The following NUBPL variants were observed in gnomAD, a reference collection of about 807,000 sequenced individuals.
NUBPL encodes the protein NUBP iron-sulfur cluster assembly factor, mitochondrial.
NUBPL carries 31 observed loss-of-function variants against 45.7 expected under a neutral mutation model. The ratio of observed to expected loss-of-function variants is 0.68; its 90% CI spans 0.51 to 0.92. The LOEUF (loss-of-function observed/expected upper bound fraction) is 0.92. Ranked by LOEUF, NUBPL falls within the 40% of genes least tolerant of loss-of-function variation. The pLI is 0.00. For synonymous variants in NUBPL, 144 were observed against 140.9 expected, an observed-to-expected ratio of 1.02 and a Z score of -0.15; for missense variants, 401 against 398.7, an observed-to-expected ratio of 1.01 and a Z score of -0.05.
At chr14:31,626,995 G>C (rs191470715) in intron 4 of NUBPL, among the ~76,000 whole-genome samples, 39 of 152,200 alleles carry the variant, frequency 2.6e-4, no homozygotes, top group Admixed American at 1.0e-3. Flanking sequence ...CAGGCTTACC[G>C]TAGACCCATG....
chr14:31,669,475 CTTTTA>C (rs934447312), intron 4 of NUBPL, among the ~76,000 whole-genome samples: 11 of 146,766 alleles, frequency 7.5e-5, no homozygotes, highest in Middle Eastern at 3.6e-3. Flanking sequence ...TTTTTTTAAA[CTTTTA>C]TTTTATGTTT....
At chr14:31,826,417 G>A (rs1303866258) in intron 7 of NUBPL, among the ~76,000 whole-genome samples, 2 of 152,112 alleles carry the variant, frequency 1.3e-5, no homozygotes, top group East Asian at 1.9e-4. Context: ...CACCGTGCCC[G>A]GCCCAGTTGT....
At chr14:31,694,005 G>A (rs887704233) in intron 6 of NUBPL, among the ~76,000 whole-genome samples, 2 of 151,842 alleles carry the variant, frequency 1.3e-5, no homozygotes, top group South Asian at 2.1e-4. Context: ...ACAGGCACCC[G>A]CCACCATGCC....
intron 4 of NUBPL, among the ~76,000 whole-genome samples, chr14:31,604,175 G>A (rs1285322209): frequency 4.4e-5 from 4 of 90,836 alleles, no homozygotes; most frequent in African/African-American, 1.1e-4. Flanking sequence ...ATCTTGGAAA[G>A]GCTGAAAAAA....
At chr14:31,760,052 T>G (rs964748261) in intron 6 of NUBPL, among the ~76,000 whole-genome samples, 2 of 151,530 alleles carry the variant, frequency 1.3e-5, no homozygotes, top group African/African-American at 4.9e-5. Context: ...TGTTATTAAC[T>G]GTAGTCACCA....
intron 6 of NUBPL, among the ~76,000 whole-genome samples, chr14:31,734,780 C>T (rs2038129666): frequency 1.3e-5 from 2 of 152,166 alleles, no homozygotes; most frequent in Admixed American, 6.6e-5. Context: ...CTATATACCT[C>T]AGTCACAGAT....
intron 4 of NUBPL, among the ~76,000 whole-genome samples, chr14:31,636,236 A>G (rs1177833045): frequency 6.6e-6 from 1 of 151,878 alleles, no homozygotes; most frequent in Non-Finnish European, 1.5e-5. Context: ...TTTGTCATAG[A>G]TAGCTCTTAT....
At chr14:31,666,250 TATATATATA>T (rs1566487080) in intron 4 of NUBPL, among the ~76,000 whole-genome samples, 1,031 of 95,962 alleles carry the variant, frequency 0.011, 124 homozygotes, top group Non-Finnish European at 0.017. Context: ...TATATATATA[TATATATATA>T]TATAATTTTA....
chr14:31,569,189 TTTTTTGTTTTTG>T (rs932690888), intron 3 of NUBPL, among the ~76,000 whole-genome samples: 10 of 152,112 alleles, frequency 6.6e-5, no homozygotes, highest in Non-Finnish European at 7.4e-5. Context: ...AGATTGAGTT[TTTTTTGTTTTTG>T]TTTTTGTTTT....
intron 6 of NUBPL, among the ~76,000 whole-genome samples, chr14:31,752,474 G>C (rs542438243): frequency 2.3e-4 from 35 of 152,252 alleles, no homozygotes; most frequent in African/African-American, 8.4e-4. Flanking sequence ...CAGTCTCTTC[G>C]CTAAAGCATA....
Position 31,561,484 on chromosome 14 carries a change from C to A in NUBPL, c.45C>A (p.Leu15=). 1 of 1,407,158 alleles carries A rather than the reference C, an allele frequency of 7.1e-7. No individual in the cohort carries two copies. Among genetic ancestry groups the A allele is most frequent in the Non-Finnish European group, 9.3e-7 (1 of 1,071,790 alleles). The allele number at this position is 1,407,158 out of a possible 1,614,324, so 87.2% of individuals were successfully genotyped here. ...TGCTGCTTTTTGGTGGGGTGTCGCTCCGGGCTGGTGGCGGGGCCACTGCCC... is the reference window on the plus strand; with the variant it reads ...TGCTGCTTTTTGGTGGGGTGTCGCTACGGGCTGGTGGCGGGGCCACTGCCC... ...QRLLLFGGVS[L]RAGGGATAPL... The change falls in exon 1 of 11, where the codon CTC becomes CTA. Residue 15 remains leucine, a synonymous_variant. Coordinates refer to ENST00000281081, the MANE Select transcript of NUBPL (RefSeq NM_025152.3).
chr14:31,787,290 T>C (rs905347540), intron 6 of NUBPL, among the ~76,000 whole-genome samples: 2 of 152,148 alleles, frequency 1.3e-5, no homozygotes, highest in Admixed American at 1.3e-4. Context: ...AGAATCAAAA[T>C]GTTAATAATA....
At chr14:31,710,965 G>A (rs973300063) in intron 6 of NUBPL, among the ~76,000 whole-genome samples, 1 of 152,184 alleles carries the variant, frequency 6.6e-6, no homozygotes, top group Non-Finnish European at 1.5e-5. Context: ...CATTCTTATA[G>A]GAGAAACTAG....
At chr14:31,569,037 A>G (rs910198888) in intron 3 of NUBPL, among the ~76,000 whole-genome samples, 12 of 152,204 alleles carry the variant, frequency 7.9e-5, no homozygotes, top group African/African-American at 2.9e-4. Context: ...ATATTAACAT[A>G]TTGAGGATGT....
chr14:31,630,065 C>CT (rs1303248731), intron 4 of NUBPL, among the ~76,000 whole-genome samples: 1 of 152,108 alleles, frequency 6.6e-6, no homozygotes, highest in Non-Finnish European at 1.5e-5. Context: ...CTGCCTTTCT[C>CT]TATTATTACA....
At chr14:31,784,399 T>C (rs2039248877) in intron 6 of NUBPL, among the ~76,000 whole-genome samples, 1 of 152,172 alleles carries the variant, frequency 6.6e-6, no homozygotes, top group Non-Finnish European at 1.5e-5. Flanking sequence ...GGGAAGTTAA[T>C]GTATAAGGAA....
intron 2 of NUBPL, among the ~76,000 whole-genome samples, chr14:31,563,103 T>C (rs73269266): frequency 0.055 from 8,438 of 152,250 alleles, 656 homozygotes; most frequent in African/African-American, 0.18. Context: ...TGCACATTTT[T>C]CCTTTCTTTC....
intron 3 of NUBPL, among the ~76,000 whole-genome samples, chr14:31,572,303 C>G (rs773257073): frequency 1.3e-5 from 2 of 152,044 alleles, no homozygotes; most frequent in Admixed American, 1.3e-4. Flanking sequence ...CCACACCCAT[C>G]TAATTTTTTG....
intron 6 of NUBPL, among the ~76,000 whole-genome samples, chr14:31,686,417 A>G (rs1188509916): frequency 6.6e-6 from 1 of 152,226 alleles, no homozygotes; most frequent in Non-Finnish European, 1.5e-5. Flanking sequence ...AAAGGTGTGA[A>G]AAGTGATGGA....
Sources: allele counts gnomAD v4.1 joint callset (sites outside exome capture counted in the v4.1 genomes callset), GRCh38; gene constraint gnomAD v4.1.1; transcripts MANE v1.5; gene names NCBI Gene and HGNC (gene_info 2026-07-23, HGNC 2026-07-21).